CASK: variants seen among roughly 807,000 people sequenced by gnomAD.
The protein encoded by CASK is peripheral plasma membrane protein CASK.
A neutral mutation model predicts 82.9 loss-of-function variants in CASK; 4 were observed. That is an observed-to-expected ratio of 0.05 (90% confidence interval 0.02 to 0.11). CASK has a LOEUF of 0.11. Among genes scored for constraint, CASK ranks in the 10% least tolerant of loss-of-function variants. The pLI, the probability that CASK is intolerant of heterozygous loss-of-function variation, is 1.00. For synonymous variants in CASK, 259 were observed against 253.5 expected (o/e 1.02, Z -0.20); for missense variants, 358 against 720.9 (o/e 0.50, Z 5.76).
intron 3 of CASK, among the ~76,000 whole-genome samples, chrX:41,770,290 AT>A (rs772322378): frequency 4.6e-3 from 450 of 98,286 alleles, no homozygotes; most frequent in African/African-American, 0.011. Flanking sequence ...CTATCTATCT[AT>A]CTATCTACCT....
At chrX:41,565,862 C>T (rs995741826) in intron 16 of CASK, among the ~76,000 whole-genome samples, 2 of 111,826 alleles carry the variant, frequency 1.8e-5, no homozygotes, top group Non-Finnish European at 3.8e-5. Context: ...TCGAATCCAG[C>T]AGCTCATCAA....
intron 1 of CASK, among the ~76,000 whole-genome samples, chrX:41,911,547 GATGT>G (rs1304055483): frequency 8.9e-6 from 1 of 112,305 alleles, no homozygotes; most frequent in African/African-American, 3.2e-5. Context: ...TCACTGTTAA[GATGT>G]AGAAATTGCT....
chrX:41,696,774 A>G lies in CASK; in HGVS notation c.430-25244T>C, dbSNP rs753960063. The G allele has an allele frequency of 8.8e-6, 10 of 1,131,146 alleles. No homozygotes were observed. The South Asian group carries it at 1.9e-4, about 21-fold the overall frequency. The allele number at this position is 1,131,146 out of a possible 1,213,427, so 93.2% of individuals were successfully genotyped here. A position where few individuals can be genotyped will look rare whatever the true frequency, so the allele number is the denominator to read the frequency against. On this transcript the variant is annotated intron_variant, in intron 5 of 26. Transcript: ENST00000378163. ...GAAAATACAGTCTAGTTCTAAAAGT[A>G]CTTGAGGTAAACATACTAAAATGAA... is the stretch of plus-strand genomic sequence containing the variant.
At chrX:41,523,564 C>T (rs1309466983) in intron 26 of CASK, among the ~76,000 whole-genome samples, 3 of 112,755 alleles carry the variant, frequency 2.7e-5, no homozygotes, top group Non-Finnish European at 3.7e-5. Context: ...TCATGAGCAC[C>T]ATGTCTGTGG....
At chrX:41,529,192 A>T (rs1569286730) in intron 25 of CASK, among the ~76,000 whole-genome samples, 1 of 111,626 alleles carries the variant, frequency 9.0e-6, no homozygotes, top group East Asian at 2.8e-4. Context: ...CTCATCCAGC[A>T]CTCAGGGGAG....
At chrX:41,874,026 G>A (rs770551984) in intron 1 of CASK, among the ~76,000 whole-genome samples, 11 of 109,655 alleles carry the variant, frequency 1.0e-4, no homozygotes, top group Admixed American at 9.7e-4. Context: ...CCTGAGCTCA[G>A]ACAATCTGCC....
intron 25 of CASK, among the ~76,000 whole-genome samples, 193 bp downstream of exon 25, chrX:41,530,814 G>A (rs941110402): frequency 2.7e-5 from 3 of 112,439 alleles, no homozygotes; most frequent in Non-Finnish European, 5.6e-5. Flanking sequence ...TACATGGTGT[G>A]TGCACTGAGT....
intron 5 of CASK, among the ~76,000 whole-genome samples, chrX:41,719,584 C>T (rs1470627049): frequency 1.8e-5 from 2 of 111,951 alleles, no homozygotes; most frequent in African/African-American, 6.5e-5. Flanking sequence ...TTTTTACTTC[C>T]TGCAGAAAGG....
intron 5 of CASK, among the ~76,000 whole-genome samples, chrX:41,711,853 AC>A (rs899507173): frequency 3.6e-5 from 4 of 111,940 alleles, no homozygotes; most frequent in African/African-American, 9.7e-5. Context: ...TGGGGGGGCC[AC>A]CCGTGTCCCC....
At chrX:41,726,989 C>T in intron 5 of CASK, 1 of 832,188 alleles carries the variant, frequency 1.2e-6, no homozygotes, top group Non-Finnish European at 1.7e-6. Context: ...CAATTCTATT[C>T]TAGCTCCTGT....
intron 2 of CASK, among the ~76,000 whole-genome samples, chrX:41,829,625 G>GGA (rs1569461811): frequency 3.8e-5 from 1 of 26,634 alleles, no homozygotes; most frequent in Non-Finnish European, 6.6e-5. Flanking sequence ...TTTTTTGGGG[G>GGA]GGTGGGGGTG....
At chrX:41,543,921 C>T (rs1353480300) in intron 21 of CASK, among the ~76,000 whole-genome samples, 2 of 112,216 alleles carry the variant, frequency 1.8e-5, no homozygotes, top group Admixed American at 1.9e-4. Context: ...TAATGGAATA[C>T]CACTGTGTTT....
chrX:41,904,353 A>G (rs1340076630), intron 1 of CASK, among the ~76,000 whole-genome samples: 1 of 112,019 alleles, frequency 8.9e-6, no homozygotes, highest in Non-Finnish European at 1.9e-5. Flanking sequence ...TAAGAGTAAC[A>G]TACAAAAAAT....
At chrX:41,625,902 C>T (rs2066362754) in intron 10 of CASK, among the ~76,000 whole-genome samples, 1 of 107,598 alleles carries the variant, frequency 9.3e-6, no homozygotes, top group Admixed American at 9.9e-5. Context: ...CCTCAGCCTC[C>T]CAAGTAGCTG....
At chrX:41,917,800 G>A (rs1412361733) in intron 1 of CASK, among the ~76,000 whole-genome samples, 10 of 111,805 alleles carry the variant, frequency 8.9e-5, no homozygotes, top group Non-Finnish European at 5.6e-5. Context: ...AAGCAACGGA[G>A]TAGCTCTGTT....
At chrX:41,669,852 T>C (rs2067171683) in intron 6 of CASK, among the ~76,000 whole-genome samples, 1 of 111,517 alleles carries the variant, frequency 9.0e-6, no homozygotes, top group African/African-American at 3.3e-5. Flanking sequence ...TTGTGGATAC[T>C]GAAGAGATTT....
intron 8 of CASK, among the ~76,000 whole-genome samples, chrX:41,655,388 C>T (rs931019307): frequency 1.8e-5 from 2 of 110,640 alleles, no homozygotes; most frequent in African/African-American, 6.6e-5. Context: ...AGAGAATTTC[C>T]ATCTCGGTGC....
At chrX:41,660,898 C>CTAAA (rs1034294274) in intron 7 of CASK, among the ~76,000 whole-genome samples, 1 of 111,849 alleles carries the variant, frequency 8.9e-6, no homozygotes, top group Non-Finnish European at 1.9e-5. Context: ...CCAGAAAGAA[C>CTAAA]TAAAATAAAA....
At chrX:41,647,310 C>T (rs1180428175) in intron 8 of CASK, among the ~76,000 whole-genome samples, 1 of 112,119 alleles carries the variant, frequency 8.9e-6, no homozygotes, top group Non-Finnish European at 1.9e-5. Context: ...TCAAAGGACA[C>T]CTTCTAGGTA....
Sources: allele counts gnomAD v4.1 joint callset (sites outside exome capture counted in the v4.1 genomes callset), GRCh38; gene constraint gnomAD v4.1.1; transcripts MANE v1.5; gene names NCBI Gene and HGNC (gene_info 2026-07-23, HGNC 2026-07-21).